FEM1C: variants seen among roughly 807,000 people sequenced by gnomAD.
FEM1C encodes protein fem-1 homolog C.
A neutral mutation model predicts 37.6 loss-of-function variants in FEM1C; 15 were observed. The observed-to-expected ratio is 0.40, with a 90% CI of 0.27 to 0.61. FEM1C has a LOEUF of 0.61. Ranked by LOEUF, FEM1C falls within the 20% of genes least tolerant of loss-of-function variation. The pLI is 0.42. For synonymous variants in FEM1C, 287 were observed against 272.8 expected (o/e 1.05, Z -0.51); for missense variants, 532 against 749.7 (o/e 0.71, Z 3.39).
chr5:115,533,196 C>T (rs1236625016), intron 2 of FEM1C, among the ~76,000 whole-genome samples: 1 of 151,962 alleles, frequency 6.6e-6, no homozygotes, highest in Admixed American at 6.6e-5. Flanking sequence ...CTAAAATTAA[C>T]TTTTTAATTT....
At chr5:115,531,449 C>T (rs757296307) in intron 2 of FEM1C, among the ~76,000 whole-genome samples, 3 of 151,986 alleles carry the variant, frequency 2.0e-5, no homozygotes, top group South Asian at 4.1e-4. Flanking sequence ...TTCAAGGATA[C>T]GTATTTTAAA....
intron 2 of FEM1C, among the ~76,000 whole-genome samples, chr5:115,530,487 T>G (rs1022095096): frequency 6.6e-6 from 1 of 152,060 alleles, no homozygotes; most frequent in Non-Finnish European, 1.5e-5. Flanking sequence ...CCAAAACCAG[T>G]AAGGATGAAG....
chr5:115,529,805 T>C (rs970804804), intron 2 of FEM1C, among the ~76,000 whole-genome samples: 1 of 151,928 alleles, frequency 6.6e-6, no homozygotes, highest in Non-Finnish European at 1.5e-5. Flanking sequence ...CTTTGATAAG[T>C]CAAAGTAATG....
At chr5:115,533,961 G>C (rs1475619708) in intron 2 of FEM1C, among the ~76,000 whole-genome samples, 1 of 151,728 alleles carries the variant, frequency 6.6e-6, no homozygotes, top group Non-Finnish European at 1.5e-5. Flanking sequence ...AAAATTTCAT[G>C]ATTTCTCAAA....
In FEM1C at chr5:115,521,708, G is replaced by A. The variant is rs1328755934; in HGVS notation, c.*2600C>T. On this transcript the variant is annotated 3_prime_UTR_variant, in exon 3 of 3. Coordinates refer to ENST00000274457, the MANE Select transcript of FEM1C (RefSeq NM_020177.3). ...TTTAGTTAGACTCAAGAGTGTAATT[G>A]GTTCATTATTAAATTTACTCATCTG... The A allele has an allele frequency of 6.6e-6, 1 of 151,606 alleles. No individual in the cohort carries two copies. 9.4% of individuals were successfully genotyped at this position (151,606 alleles called of 1,614,324 possible). A position where few individuals can be genotyped will look rare whatever the true frequency, so the allele number is the denominator to read the frequency against.
chr5:115,527,381 T>G (rs1394449805), intron 2 of FEM1C, among the ~76,000 whole-genome samples: 1 of 152,192 alleles, frequency 6.6e-6, no homozygotes, highest in East Asian at 1.9e-4. Flanking sequence ...TTCTATGATA[T>G]CTACAAGGAC....
At chr5:115,528,001 G>GACAAAA (rs1753937107) in intron 2 of FEM1C, among the ~76,000 whole-genome samples, 1 of 87,088 alleles carries the variant, frequency 1.1e-5, no homozygotes, top group Non-Finnish European at 2.3e-5. Flanking sequence ...CTTCGTCTCA[G>GACAAAA]AAAAAAAAAA....
In FEM1C at chr5:115,521,489, A is replaced by T. The variant is rs564743433; in HGVS notation, c.*2819T>A. 164 of 151,972 alleles carry T rather than the reference A, an allele frequency of 1.1e-3. No homozygotes were observed. The highest frequency in any genetic ancestry group is 3.7e-3 in the African/African-American group (152 of 41,542). 9.4% of individuals were successfully genotyped at this position (151,972 alleles called of 1,614,324 possible). ...GTCAGATTTATGAATAAGAAAAATG[A>T]CTATTTTTAAGTCTATAATCCATTT... is the stretch of plus-strand genomic sequence containing the variant. On this transcript the variant is annotated 3_prime_UTR_variant, in exon 3 of 3. Transcript: ENST00000274457.
intron 2 of FEM1C, among the ~76,000 whole-genome samples, chr5:115,534,838 G>A (rs1176982417): frequency 6.6e-6 from 1 of 151,852 alleles, no homozygotes; most frequent in Non-Finnish European, 1.5e-5. Context: ...ATCTAGGCTG[G>A]ATCCAAGTGA....
Position 115,523,702 on chromosome 5 carries a change from G to A in FEM1C, c.*606C>T, listed in dbSNP as rs1229558327. 1 of 152,544 alleles carries A rather than the reference G, an allele frequency of 6.6e-6. No individual in the cohort carries two copies. Among genetic ancestry groups the A allele is most frequent in the East Asian group, 1.9e-4 (1 of 5,194 alleles). 9.4% of individuals were successfully genotyped at this position (152,544 alleles called of 1,614,324 possible). ...AGTTTGTAACAAACATAAGAAAACA[G>A]TGTTTTGAGTTGAAGTTGACCAACT... is the stretch of plus-strand genomic sequence containing the variant. On this transcript the variant is annotated 3_prime_UTR_variant, in exon 3 of 3. Transcript: ENST00000274457.
At chr5:115,539,428 T>C (rs1754195095) in intron 2 of FEM1C, among the ~76,000 whole-genome samples, 1 of 151,968 alleles carries the variant, frequency 6.6e-6, no homozygotes, top group South Asian at 2.1e-4. Context: ...TGAGAAGGAC[T>C]CACCTAATCA....
intron 2 of FEM1C, among the ~76,000 whole-genome samples, chr5:115,537,151 C>G (rs1390569977): frequency 2.0e-5 from 3 of 152,020 alleles, no homozygotes; most frequent in Non-Finnish European, 4.4e-5. Context: ...TCATCTGGGT[C>G]TCTCCCTATC....
intron 2 of FEM1C, among the ~76,000 whole-genome samples, chr5:115,536,822 CAACAAAGTTAAACGCTAAAA>C (rs1754139358): frequency 6.6e-6 from 1 of 151,948 alleles, no homozygotes; most frequent in South Asian, 2.1e-4. Context: ...CTTGAGCTTA[CAACAAAGTTAAACGCTAAAA>C]AATATCTGCA....
At chr5:115,544,095 C>T (rs371134496) in intron 1 of FEM1C, 4 of 985,462 alleles carry the variant, frequency 4.1e-6, no homozygotes, top group African/African-American at 1.7e-5. Context: ...GCTGGAAGGC[C>T]TGAGGCCGGG....
At chr5:115,534,354 C>G (rs187293723) in intron 2 of FEM1C, among the ~76,000 whole-genome samples, 1 of 151,890 alleles carries the variant, frequency 6.6e-6, no homozygotes, top group East Asian at 1.9e-4. Context: ...GCTTAGGTGC[C>G]TAGGAATAGA....
intron 2 of FEM1C, 27 bp from the exon 3 acceptor site, chr5:115,525,644 T>C (rs767691140): frequency 1.9e-6 from 3 of 1,567,844 alleles, no homozygotes; most frequent in African/African-American, 2.7e-5. Flanking sequence ...AAAAAAGAAA[T>C]AACATACATT....
intron 1 of FEM1C, chr5:115,544,217 C>T (rs979680131): frequency 2.3e-5 from 23 of 981,034 alleles, no homozygotes; most frequent in Non-Finnish European, 2.7e-5. Context: ...GGAAATCCGC[C>T]TGCCTTTTAG....
At position 115,521,717 on chromosome 5, in the gene FEM1C, T is replaced by C. The variant is rs928034693; in HGVS notation, c.*2591A>G. ...ACTCAAGAGTGTAATTGGTTCATTA[T>C]TAAATTTACTCATCTGTGGTTCAAA... On this transcript the variant is annotated 3_prime_UTR_variant, in exon 3 of 3. Transcript: ENST00000274457. 3 of 151,890 alleles carry C rather than the reference T, an allele frequency of 2.0e-5. No homozygotes were observed. The highest frequency in any genetic ancestry group is 1.9e-4 in the East Asian group (1 of 5,188). The allele number at this position is 151,890 out of a possible 1,614,324, so 9.4% of individuals were successfully genotyped here.
chr5:115,528,809 G>A (rs1368643143), intron 2 of FEM1C, among the ~76,000 whole-genome samples: 1 of 152,052 alleles, frequency 6.6e-6, no homozygotes, highest in East Asian at 1.9e-4. Flanking sequence ...TATCAACACA[G>A]ATTTTCAAAT....
Sources: gnomAD v4.1 joint callset for allele counts (sites outside exome capture counted in the v4.1 genomes callset) on GRCh38, gnomAD v4.1.1 for gene constraint, MANE v1.5 for transcripts, NCBI Gene and HGNC (gene_info 2026-07-23, HGNC 2026-07-21) for gene names.